Variants in NTRK2 observed in about 807,000 individuals in gnomAD.
NTRK2 encodes neurotrophic receptor tyrosine kinase 2.
In NTRK2, 13 loss-of-function variants were observed where a neutral mutation model predicts 94.5. The ratio of observed to expected loss-of-function variants is 0.14; its 90% CI spans 0.09 to 0.22. The LOEUF (loss-of-function observed/expected upper bound fraction) is 0.22. NTRK2 is among the 10% of genes least tolerant of loss of function. The pLI is 1.00. For missense variants in NTRK2, 639 were observed against 1,071.2 expected (o/e 0.60, Z 5.63); for synonymous variants, 372 against 407.4 (o/e 0.91, Z 1.05).
chr9:84,873,298 G>A (rs1428682110), intron 14 of NTRK2: 2 of 1,059,246 alleles, frequency 1.9e-6, no homozygotes, highest in Non-Finnish European at 1.1e-6. Context: ...TGCCTTGGAA[G>A]GCCATGGCCT....
chr9:84,722,512 G>C (rs955896044), intron 6 of NTRK2, among the ~76,000 whole-genome samples: 14 of 152,068 alleles, frequency 9.2e-5, no homozygotes, highest in Admixed American at 6.5e-5. Flanking sequence ...TTGACCTCCA[G>C]GTTCTGATCT....
At chr9:84,856,419 C>A (rs548245919) in intron 12 of NTRK2, among the ~76,000 whole-genome samples, 136 of 152,322 alleles carry the variant, frequency 8.9e-4, no homozygotes, top group African/African-American at 3.2e-3. Flanking sequence ...AACTATTACT[C>A]ACCCCGATTA....
chr9:84,669,577 C>CT (rs2058567179), upstream of NTRK2: 1 of 153,456 alleles, frequency 6.5e-6, no homozygotes, highest in East Asian at 1.9e-4. The surrounding 1 kb of genome is among the most constrained non-coding windows in gnomAD (Gnocchi z 4.1). Context: ...TGCCTCCCTC[C>CT]TCCCTGCTCG....
intron 14 of NTRK2, among the ~76,000 whole-genome samples, chr9:84,887,520 C>T (rs1294177734): frequency 2.6e-5 from 4 of 152,202 alleles, no homozygotes; most frequent in African/African-American, 4.8e-5. Flanking sequence ...ACTTATGATG[C>T]CTTTAAAGGC....
chr9:84,854,552 G>T (rs1163491563), intron 12 of NTRK2, among the ~76,000 whole-genome samples: 1 of 152,040 alleles, frequency 6.6e-6, no homozygotes, highest in Non-Finnish European at 1.5e-5. Context: ...ATAGAGAGTG[G>T]AAAGGGGTTC....
At chr9:84,924,990 G>T (rs1055310263) in intron 14 of NTRK2, among the ~76,000 whole-genome samples, 2 of 152,100 alleles carry the variant, frequency 1.3e-5, no homozygotes, top group African/African-American at 4.8e-5. Context: ...GATGGCTCGC[G>T]TGTCTAGGCC....
intron 14 of NTRK2, among the ~76,000 whole-genome samples, chr9:84,891,987 G>A (rs1447178728): frequency 6.6e-6 from 1 of 152,094 alleles, no homozygotes; most frequent in Non-Finnish European, 1.5e-5. Context: ...GGCTAGGAGA[G>A]CTGCAGAGTA....
At chr9:84,829,816 T>C (rs1177427363) in intron 12 of NTRK2, among the ~76,000 whole-genome samples, 1 of 152,216 alleles carries the variant, frequency 6.6e-6, no homozygotes. Context: ...CCCATCTTTT[T>C]CTTTTGTATT....
At chr9:84,996,573 T>C (rs1010564697) in intron 17 of NTRK2, among the ~76,000 whole-genome samples, 4 of 152,186 alleles carry the variant, frequency 2.6e-5, no homozygotes, top group African/African-American at 9.7e-5. Flanking sequence ...TGTGTGAATC[T>C]TGGGAGAAGA....
intron 12 of NTRK2, among the ~76,000 whole-genome samples, chr9:84,859,735 G>A (rs1301779962): frequency 6.6e-6 from 1 of 152,202 alleles, no homozygotes; most frequent in African/African-American, 2.4e-5. Flanking sequence ...AAGATGACCA[G>A]TGGGAAAATA....
intron 12 of NTRK2, chr9:84,815,065 C>T (rs199707725): frequency 3.2e-5 from 34 of 1,058,656 alleles, no homozygotes; most frequent in Non-Finnish European, 3.9e-5. Context: ...GAACTCCCAG[C>T]CCAGGAAAGT....
At chr9:85,019,757 C>A (rs1832618129) in intron 17 of NTRK2, among the ~76,000 whole-genome samples, 1 of 152,214 alleles carries the variant, frequency 6.6e-6, no homozygotes, top group Non-Finnish European at 1.5e-5. Flanking sequence ...ATCATGCACA[C>A]ATAAGACCTG....
Position 84,797,609 on chromosome 9 carries a change from TAA to T in NTRK2, c.1396+45525_1396+45526del, listed in dbSNP as rs555721817. Among the ~76,000 whole-genome samples, 288 of 65,494 alleles carry T rather than the reference TAA, an allele frequency of 4.4e-3. 12 individuals are homozygous for T. Among genetic ancestry groups the T allele is most frequent in the Middle Eastern group, 0.022 (3 of 136 alleles). 43.0% of individuals were successfully genotyped at this position (65,494 alleles called of 152,430 possible). ...TACTATATATACTATATATTATATA[TAA>T]TATATATACTATATATTATATATTA... On this transcript the variant is annotated intron_variant, in intron 12 of 18. Transcript: ENST00000277120.
chr9:84,963,474 T>A lies in NTRK2; in HGVS notation c.2172+7957T>A, dbSNP rs200896426. 7.9e-5 allele frequency among the ~76,000 whole-genome samples: 12 copies of A among 152,356 alleles called. No homozygotes were observed. The East Asian group carries it at 2.3e-3, about 29-fold the overall frequency. ...TATAAATCGAAGTGATACAAAATAA[T>A]TGCTTATTCTTCTGTGTTAATGCTT... On this transcript the variant is annotated intron_variant, in intron 17 of 18. Coordinates refer to ENST00000277120, the MANE Select transcript of NTRK2 (RefSeq NM_006180.6).
At chr9:84,693,268 C>G (rs1331840967) in intron 2 of NTRK2, among the ~76,000 whole-genome samples, 2 of 152,272 alleles carry the variant, frequency 1.3e-5, no homozygotes, top group East Asian at 1.9e-4. Flanking sequence ...GAGATCCAGT[C>G]TTAAACTTGC....
intron 12 of NTRK2, among the ~76,000 whole-genome samples, chr9:84,760,223 T>C (rs536400424): frequency 2.0e-5 from 3 of 152,214 alleles, no homozygotes; most frequent in Admixed American, 6.5e-5. Context: ...TTAATTCCTC[T>C]TTGGTAAATT....
chr9:84,744,954 C>A lies in NTRK2; in HGVS notation c.1196-19C>A, dbSNP rs201878994. Reference sequence around the variant, plus strand: ...TGACAACTTCATGTTCTTCCTCATTCCCCCTTTGCCCACTTAAGATTATGG... The same window carrying A: ...TGACAACTTCATGTTCTTCCTCATTACCCCTTTGCCCACTTAAGATTATGG... On this transcript the variant is annotated intron_variant, in intron 10 of 18. Coordinates refer to ENST00000277120, the MANE Select transcript of NTRK2 (RefSeq NM_006180.6). The A allele has an allele frequency of 6.4e-7, 1 of 1,563,738 alleles. No homozygotes were observed. Among genetic ancestry groups the A allele is most frequent in the Non-Finnish European group, 8.8e-7 (1 of 1,134,234 alleles).
chr9:84,996,680 C>T (rs140248805), intron 17 of NTRK2, among the ~76,000 whole-genome samples: 93 of 152,262 alleles, frequency 6.1e-4, no homozygotes, highest in African/African-American at 2.2e-3. Flanking sequence ...GGTCTGCAAC[C>T]AAGAAGCTGC....
At chr9:84,693,029 CAGG>C (rs2060146282) in intron 2 of NTRK2, among the ~76,000 whole-genome samples, 1 of 152,172 alleles carries the variant, frequency 6.6e-6, no homozygotes. Context: ...TCGTGGTTGC[CAGG>C]AGGAGATGCT....
Sources: gnomAD v4.1 joint callset for allele counts (sites outside exome capture counted in the v4.1 genomes callset) on GRCh38, gnomAD v4.1.1 for gene constraint, Gnocchi (gnomAD v3.1) non-coding constraint, MANE v1.5 for transcripts, NCBI Gene and HGNC (gene_info 2026-07-23, HGNC 2026-07-21) for gene names.